Variants in POLI observed in about 807,000 individuals in gnomAD.
POLI encodes the protein DNA polymerase iota, also known as RAD30 homolog B.
A neutral mutation model predicts 51.6 loss-of-function variants in POLI; 58 were observed. The observed-to-expected ratio is 1.12, with a 90% confidence interval of 0.91 to 1.40. POLI has a LOEUF of 1.40. POLI is among the 40% of genes most tolerant of loss of function. The pLI, the probability that POLI is intolerant of heterozygous loss-of-function variation, is 0.00. For missense variants in POLI, 921 were observed against 871.3 expected (o/e 1.06, Z -0.72); for synonymous variants, 322 against 299.7 (o/e 1.07, Z -0.77).
chr18:54,312,536 G>A (rs2088682073), intron 3 of POLI, among the ~76,000 whole-genome samples: 1 of 152,170 alleles, frequency 6.6e-6, no homozygotes, highest in African/African-American at 2.4e-5. Flanking sequence ...TCTCCAAACT[G>A]CTTTCCACAG....
At chr18:54,274,151 C>A (rs1420673654) in intron 3 of POLI, 61 bp downstream of exon 3, 1 of 806,900 alleles carries the variant, frequency 1.2e-6, no homozygotes, top group Non-Finnish European at 1.7e-6. Context: ...CTGTTCATTA[C>A]ATGAATTTTT....
At chr18:54,320,518 G>C (rs530930828) in intron 4 of POLI, 2 of 152,226 alleles carry the variant, frequency 1.3e-5, no homozygotes, top group East Asian at 3.9e-4. Context: ...TTCCAAAAGG[G>C]TGTGTGCTTT....
At chr18:54,271,902 T>C (rs2087021822) in intron 2 of POLI, among the ~76,000 whole-genome samples, 1 of 152,182 alleles carries the variant, frequency 6.6e-6, no homozygotes, top group African/African-American at 2.4e-5. Context: ...TCTAACTAAC[T>C]AGTTGGATTT....
rs563332094 is a variant in POLI at position 54,294,288 on chromosome 18, G to A, written c.2044G>A (p.Ala682Thr). 5.0e-6 allele frequency: 8 copies of A among 1,613,594 alleles called. No individual in the cohort carries two copies. The African/African-American group carries it at 9.3e-5, about 19-fold the overall frequency. ...TACAGATAGCCATAAGCAAACAGTA[G>A]CAACAGACTCTCATGAAGGACTTAC... ...HTTDSHKQTVATDSHEGLTEN... is the reference protein window; with the variant it reads ...HTTDSHKQTVTTDSHEGLTEN... Residue 682 changes from alanine to threonine, a missense_variant, in exon 10 of 10, where the codon GCA (alanine) becomes ACA (threonine). Transcript: ENST00000579534.
At position 54,308,233 on chromosome 18, in the gene POLI, C is replaced by T. The variant is rs1055041763; in HGVS notation, c.334-12040C>T. ...AGTGGCTGGTACCGGTTGTTCCTTT[C>T]CATGTTTAGTGCTTCCTTCAGGAGC... is the stretch of plus-strand genomic sequence containing the variant. On this transcript the variant is annotated intron_variant, in intron 3 of 4. Coordinates refer to the POLI transcript ENST00000579823. Among the ~76,000 whole-genome samples, 32 of 152,314 alleles carry T rather than the reference C, an allele frequency of 2.1e-4. 1 individual carries two copies. The Middle Eastern group carries it at 0.01, about 49-fold the overall frequency.
At chr18:54,291,311 T>C (rs893659664) in intron 8 of POLI, 1 of 152,336 alleles carries the variant, frequency 6.6e-6, no homozygotes, top group Admixed American at 6.5e-5. Flanking sequence ...ATTTGCTCAT[T>C]TTACTGGCAA....
chr18:54,270,110 T>A (rs1356949054), intron 1 of POLI: 5 of 837,720 alleles, frequency 6.0e-6, no homozygotes, highest in Non-Finnish European at 7.2e-6. Context: ...TGGTCACGTC[T>A]CCGGTGACCC....
chr18:54,280,935 C>A, intron 5 of POLI, 32 bp downstream of exon 5: 5 of 1,112,226 alleles, frequency 4.5e-6, no homozygotes, highest in African/African-American at 1.6e-5. Context: ...AGTACATATA[C>A]GTCTTATTTT....
Position 54,271,369 on chromosome 18 carries a change from A to G in POLI, c.125A>G (p.Asp42Gly). The G allele has an allele frequency of 1.9e-6, 3 of 1,612,110 alleles. No individual in the cohort carries two copies. Among genetic ancestry groups the G allele is most frequent in the Non-Finnish European group, 2.5e-6 (3 of 1,179,034 alleles). ...GAAASSQGVH[D>G]QVLPTPNASS... Reference sequence around the variant, plus strand: ...TTTGCATATTGTGCAGGAGTTCATGATCAAGTGTTGCCCACACCAAATGCT... The same window carrying G: ...TTTGCATATTGTGCAGGAGTTCATGGTCAAGTGTTGCCCACACCAAATGCT... Residue 42 changes from aspartate (D) to glycine (G), a missense_variant, in exon 2 of 10, where the codon GAT (aspartate) becomes GGT (glycine). Coordinates refer to ENST00000579534, the MANE Select transcript of POLI (RefSeq NM_007195.3).
intron 8 of POLI, among the ~76,000 whole-genome samples, chr18:54,289,805 T>TA (rs1471759208): frequency 6.6e-6 from 1 of 152,188 alleles, no homozygotes; most frequent in African/African-American, 2.4e-5. Flanking sequence ...ATCCCTTCCT[T>TA]ACACCTTATA....
chr18:54,298,211 C>A lies in POLI; in HGVS notation c.*3744C>A. Reference sequence around the variant, plus strand: ...GTAACAACTATGTAACTGTCCAAGTCAAGAAATAAAACATATCAAGTAATC... The same window carrying A: ...GTAACAACTATGTAACTGTCCAAGTAAAGAAATAAAACATATCAAGTAATC... On this transcript the variant is annotated 3_prime_UTR_variant, in exon 10 of 10. Coordinates refer to ENST00000579534, the MANE Select transcript of POLI (RefSeq NM_007195.3). 3.8e-6 allele frequency: 1 copy of A among 260,612 alleles called. No individual in the cohort carries two copies. Among genetic ancestry groups the A allele is most frequent in the Non-Finnish European group, 6.0e-6 (1 of 167,334 alleles). The allele number at this position is 260,612 out of a possible 1,614,324, so 16.1% of individuals were successfully genotyped here. A position where few individuals can be genotyped will look rare whatever the true frequency, so the allele number is the denominator to read the frequency against.
chr18:54,277,674 A>G (rs1416495034), intron 3 of POLI, 29 bp from the exon 4 acceptor site: 1 of 1,455,480 alleles, frequency 6.9e-7, no homozygotes. Flanking sequence ...CTTCATTTAC[A>G]TTTGTGCTCC....
intron 4 of POLI, 139 bp from the exon 5 acceptor site, chr18:54,280,528 C>T (rs186279973): frequency 1.9e-5 from 12 of 627,808 alleles, no homozygotes; most frequent in Non-Finnish European, 3.1e-5. Context: ...ATATCACAAC[C>T]ATACCAGGTG....
rs955987774 is a variant in POLI at position 54,277,824 on chromosome 18, G to C, written c.528G>C (p.Val176=). 2 of 1,612,998 alleles carry C rather than the reference G, an allele frequency of 1.2e-6. No individual in the cohort carries two copies. The highest frequency in any genetic ancestry group is 1.7e-6 in the Non-Finnish European group (2 of 1,179,294). Residue 176 remains valine (V), a synonymous_variant, in exon 4 of 10, where the codon GTG becomes GTC. Coordinates refer to ENST00000579534, the MANE Select transcript of POLI (RefSeq NM_007195.3). ...TGCAAAGTGATGAACTTTCTGCGGTGACTGTGTCGGGTCATGTATACAATA... is the reference window on the plus strand; with the variant it reads ...TGCAAAGTGATGAACTTTCTGCGGTCACTGTGTCGGGTCATGTATACAATA... ...QQLQSDELSA[V]TVSGHVYNNQ... is the part of the protein sequence containing the mutation.
intron 4 of POLI, among the ~76,000 whole-genome samples, chr18:54,279,991 A>G (rs189243671): frequency 7.2e-4 from 109 of 150,536 alleles, no homozygotes; most frequent in African/African-American, 2.6e-3. Context: ...AGTTTTCACA[A>G]TGTGTTAATT....
chr18:54,296,870 T>C lies in POLI; in HGVS notation c.*2403T>C, dbSNP rs998969427. On this transcript the variant is annotated 3_prime_UTR_variant, in exon 10 of 10. Coordinates refer to ENST00000579534, the MANE Select transcript of POLI (RefSeq NM_007195.3). ...TTCTAATTTTTAAAAGTCAAATATATGATATTTTTGATAATTTCAATATTT... is the reference window on the plus strand; with the variant it reads ...TTCTAATTTTTAAAAGTCAAATATACGATATTTTTGATAATTTCAATATTT... 1 of 840,318 alleles carries C rather than the reference T, an allele frequency of 1.2e-6. No homozygotes were observed. The highest frequency in any genetic ancestry group is 1.4e-6 in the Non-Finnish European group (1 of 698,672). 52.1% of individuals were successfully genotyped at this position (840,318 alleles called of 1,614,324 possible).
chr18:54,269,826 C>T (rs1336273779), intron 1 of POLI, 165 bp downstream of exon 1: 2 of 1,355,158 alleles, frequency 1.5e-6, no homozygotes, highest in South Asian at 1.8e-5. Context: ...CGGCGGGTAC[C>T]TCTAGAGGAA....
In POLI at chr18:54,294,083, T is replaced by C; in HGVS notation, c.1839T>C (p.Ser613=). The C allele has an allele frequency of 6.2e-7, 1 of 1,610,788 alleles. No homozygotes were observed. The highest frequency in any genetic ancestry group is 8.5e-7 in the Non-Finnish European group (1 of 1,177,038). ...GTSGFNSSSS[S]YMSSQKDYSY... is the part of the protein sequence containing the mutation. ...CAGGCTTTAATAGCAGTAGTTCTTC[T>C]TACATGTCTAGCCAAAAGGATTATT... Residue 613 remains serine (S), a synonymous_variant, in exon 10 of 10, where the codon TCT becomes TCC. Transcript: ENST00000579534.
chr18:54,293,611 T>A (rs753294497), intron 9 of POLI, 38 bp from the exon 10 acceptor site: 2 of 1,353,330 alleles, frequency 1.5e-6, no homozygotes, highest in African/African-American at 2.9e-5. Context: ...TTAAAAGATA[T>A]CAGATATGTA....
Sources: gnomAD v4.1 joint callset for allele counts (sites outside exome capture counted in the v4.1 genomes callset) on GRCh38, gnomAD v4.1.1 for gene constraint, MANE v1.5 for transcripts, NCBI Gene and HGNC (gene_info 2026-07-23, HGNC 2026-07-21) for gene names.